ZNF250: variants seen among roughly 807,000 people sequenced by gnomAD.
The protein encoded by ZNF250 is zinc finger protein (clone 647).
Under a neutral mutation model 37.1 loss-of-function variants are expected in ZNF250, and 13 were observed. That is an observed-to-expected ratio of 0.35 (90% CI 0.23 to 0.56). The LOEUF (loss-of-function observed/expected upper bound fraction) is 0.56, where lower values mean the gene tolerates loss of function less well. Ranked by LOEUF, ZNF250 falls within the 20% of genes least tolerant of loss-of-function variation. The pLI is 0.87. For synonymous variants in ZNF250, 251 were observed against 265.6 expected (o/e 0.94, Z 0.54); for missense variants, 474 against 697.9 (o/e 0.68, Z 3.61).
rs1038863345 is a variant in ZNF250 at position 144,897,895 on chromosome 8, C to A, written c.-55+3504G>T. Among the ~76,000 whole-genome samples the A allele has an allele frequency of 6.6e-6, 1 of 152,166 alleles. No homozygotes were observed. The highest frequency in any genetic ancestry group is 6.5e-5 in the Admixed American group (1 of 15,274). On this transcript the variant is annotated intron_variant, in intron 1 of 5. Transcript: ENST00000417550. The surrounding 1 kb of genome is among the most constrained non-coding windows in gnomAD (Gnocchi z 5.2). ...TGCTATTGTTTGTGGCTTAAGAATG[C>A]CTTTAAGGGGTTTTCCACCCTGGGC...
Position 144,890,305 on chromosome 8 carries a change from T to C in ZNF250, c.42+3A>G. 3 of 1,524,742 alleles carry C rather than the reference T, an allele frequency of 2.0e-6. No homozygotes were observed. Among genetic ancestry groups the C allele is most frequent in the Non-Finnish European group, 2.6e-6 (3 of 1,132,626 alleles). The allele number at this position is 1,524,742 out of a possible 1,614,324, so 94.5% of individuals were successfully genotyped here. A position where few individuals can be genotyped will look rare whatever the true frequency, so the allele number is the denominator to read the frequency against. ...CACTGCATAAGCACTGGGGACAGCT[T>C]ACCTGGGGTCCTGCCGGCACTGGCA... On this transcript the variant is annotated splice_donor_region_variant and intron_variant, in intron 2 of 5. Coordinates refer to ENST00000417550, the MANE Select transcript of ZNF250 (RefSeq NM_001109689.4). This position sits in a 1 kb window ranked among gnomAD's most constrained non-coding sequence, Gnocchi z 5.1.
In ZNF250 at chr8:144,880,719, C is replaced by A; in HGVS notation, c.*796G>T. ...TCTCTACTAAAAATACAAAAATTAG[C>A]CAGGTGTGGTGGCGCATATCTATAA... On this transcript the variant is annotated 3_prime_UTR_variant, in exon 6 of 6. Coordinates refer to ENST00000417550, the MANE Select transcript of ZNF250 (RefSeq NM_001109689.4). 3.1e-6 allele frequency: 1 copy of A among 327,124 alleles called. No individual in the cohort carries two copies. Among genetic ancestry groups the A allele is most frequent in the South Asian group, 2.4e-5 (1 of 41,324 alleles). The allele number at this position is 327,124 out of a possible 1,614,324, so 20.3% of individuals were successfully genotyped here.
intron 5 of ZNF250, among the ~76,000 whole-genome samples, chr8:144,883,828 C>G (rs180886001): frequency 6.6e-6 from 1 of 152,212 alleles, no homozygotes; most frequent in East Asian, 1.9e-4. Flanking sequence ...AGGTCGAGCG[C>G]TCTGCAGGCT....
intron 1 of ZNF250, among the ~76,000 whole-genome samples, chr8:144,896,373 T>TA (rs1242172948): frequency 1.6e-5 from 2 of 128,528 alleles, no homozygotes; most frequent in East Asian, 2.3e-4. Context: ...TAAATAAAAA[T>TA]TAAAAAAAAA....
Position 144,890,398 on chromosome 8 carries a change from A to G in ZNF250, c.-49T>C. The G allele has an allele frequency of 6.9e-7, 1 of 1,445,520 alleles. No homozygotes were observed. The highest frequency in any genetic ancestry group is 1.4e-5 in the African/African-American group (1 of 70,518). 89.5% of individuals were successfully genotyped at this position (1,445,520 alleles called of 1,614,324 possible). A position where few individuals can be genotyped will look rare whatever the true frequency, so the allele number is the denominator to read the frequency against. On this transcript the variant is annotated 5_prime_UTR_variant, in exon 2 of 6. Transcript: ENST00000417550. The surrounding 1 kb of genome is among the most constrained non-coding windows in gnomAD (Gnocchi z 5.1). The stretch of plus-strand genomic sequence containing the variant: ...AGGATCACGGAAATTGAAGGAGCCT[A>G]TGGGGCTGAGGAAGAGGAGGGGGCA...
At chr8:144,898,988 C>T (rs1563904762) in intron 1 of ZNF250, among the ~76,000 whole-genome samples, 1 of 152,132 alleles carries the variant, frequency 6.6e-6, no homozygotes, top group African/African-American at 2.4e-5. Flanking sequence ...CCGAAATGTA[C>T]ATCAAATAAA....
intron 1 of ZNF250, among the ~76,000 whole-genome samples, chr8:144,892,882 CGAA>C (rs1832446295): frequency 2.0e-5 from 2 of 102,454 alleles, no homozygotes; most frequent in African/African-American, 7.1e-5. Context: ...TTTTTTGAGA[CGAA>C]GTCTTGCTCT....
rs1409755455 is a variant in ZNF250 at position 144,889,615 on chromosome 8, A to G, written c.249T>C (p.Ala83=). ...CACTCCACAGGCCCTGGCTCTTCTTAGCCCCCTTCCTGTCCAGGACCCAGG... is the reference window on the plus strand; with the variant it reads ...CACTCCACAGGCCCTGGCTCTTCTTGGCCCCCTTCCTGTCCAGGACCCAGG... ...EDPWVLDRKG[A]KKSQGLWSDY... The change falls in exon 4 of 6, where the codon GCT becomes GCC. Residue 83 remains alanine, a synonymous_variant. Transcript: ENST00000417550. 4 of 1,613,786 alleles carry G rather than the reference A, an allele frequency of 2.5e-6. No homozygotes were observed. The highest frequency in any genetic ancestry group is 2.7e-5 in the African/African-American group (2 of 74,912).
At chr8:144,893,154 C>T (rs138328720) in intron 1 of ZNF250, among the ~76,000 whole-genome samples, 3,312 of 152,200 alleles carry the variant, frequency 0.022, 73 homozygotes, top group Admixed American at 0.075. Flanking sequence ...TGAGCCACCA[C>T]GCCCAGCCCA....
Position 144,880,395 on chromosome 8 carries a change from G to A in ZNF250, c.*1120C>T, listed in dbSNP as rs576111896. 6.1e-5 allele frequency: 28 copies of A among 456,710 alleles called. No homozygotes were observed. Among genetic ancestry groups the A allele is most frequent in the South Asian group, 3.4e-4 (22 of 64,570 alleles). 28.3% of individuals were successfully genotyped at this position (456,710 alleles called of 1,614,324 possible). A position where few individuals can be genotyped will look rare whatever the true frequency, so the allele number is the denominator to read the frequency against. On this transcript the variant is annotated 3_prime_UTR_variant, in exon 6 of 6. Transcript: ENST00000417550. ...GTAACAGCTATGAGGTCTGCTGAGTGTGAAGCTCCCCTCCTTTGCCTGCAT... is the reference window on the plus strand; with the variant it reads ...GTAACAGCTATGAGGTCTGCTGAGTATGAAGCTCCCCTCCTTTGCCTGCAT...
intron 5 of ZNF250, among the ~76,000 whole-genome samples, chr8:144,886,456 C>G (rs1831888789): frequency 6.6e-6 from 1 of 152,234 alleles, no homozygotes; most frequent in Admixed American, 6.5e-5. Context: ...AACTTGCCTG[C>G]ACCTTGCATC....
At chr8:144,900,332 G>A (rs1348906715) in intron 1 of ZNF250, among the ~76,000 whole-genome samples, 9 of 152,080 alleles carry the variant, frequency 5.9e-5, no homozygotes, top group Admixed American at 3.3e-4. Context: ...CCCACCCGGC[G>A]GAGGACGAGT....
chr8:144,888,039 A>C (rs1435535908), intron 4 of ZNF250, among the ~76,000 whole-genome samples: 1 of 152,236 alleles, frequency 6.6e-6, no homozygotes, highest in African/African-American at 2.4e-5. Context: ...CAAGTGGGGC[A>C]CATTATGGCA....
In ZNF250 at chr8:144,881,716, C is replaced by T; in HGVS notation, c.1467G>A (p.Leu489=). 2 of 1,613,954 alleles carry T rather than the reference C, an allele frequency of 1.2e-6. No individual in the cohort carries two copies. The highest frequency in any genetic ancestry group is 1.7e-6 in the Non-Finnish European group (2 of 1,179,954). ...CGKAFSLKAT[L]IVHLRTHTGE... Reference sequence around the variant, plus strand: ...CCGTGTGGGTCCTCAGGTGCACAATCAGAGTTGCTTTCAGGCTGAAGGCTT... The same window carrying T: ...CCGTGTGGGTCCTCAGGTGCACAATTAGAGTTGCTTTCAGGCTGAAGGCTT... The change falls in exon 6 of 6, where the codon CTG becomes CTA. Residue 489 remains leucine, a synonymous_variant. Transcript: ENST00000417550.
chr8:144,887,252 C>CAAAAAAAAA lies in ZNF250; in HGVS notation c.284-359_284-351dup, dbSNP rs56677445. Among the ~76,000 whole-genome samples, 86 of 63,080 alleles carry CAAAAAAAAA rather than the reference C, an allele frequency of 1.4e-3. 5 individuals are homozygous for CAAAAAAAAA. The highest frequency in any genetic ancestry group is 6.4e-3 in the African/African-American group (84 of 13,220). The allele number at this position is 63,080 out of a possible 152,430, so 41.4% of individuals were successfully genotyped here. On this transcript the variant is annotated intron_variant, in intron 4 of 5. Transcript: ENST00000417550. ...GGGGACAGAGTGAAACTCCGTCTCT[C>CAAAAAAAAA]AAAAAAAAAAAAAAAAAAAAAAAAA...
chr8:144,882,583 C>A lies in ZNF250; in HGVS notation c.600G>T (p.Gly200=). ...GGTGGGAACTCCGGCCAAAGCACTT[C>A]CCACACTCAACACACATGTAGGGCC... ...GERPYMCVEC[G]KCFGRSSHLL... The change falls in exon 6 of 6, where the codon GGG becomes GGT. Residue 200 remains glycine, a synonymous_variant. Coordinates refer to ENST00000417550, the MANE Select transcript of ZNF250 (RefSeq NM_001109689.4). The surrounding 1 kb of genome is among the most constrained non-coding windows in gnomAD (Gnocchi z 5.5). 6.2e-7 allele frequency: 1 copy of A among 1,614,154 alleles called. No individual in the cohort carries two copies. The highest frequency in any genetic ancestry group is 8.5e-7 in the Non-Finnish European group (1 of 1,180,022).
intron 4 of ZNF250, among the ~76,000 whole-genome samples, chr8:144,888,192 G>T (rs1417212496): frequency 6.6e-6 from 1 of 152,108 alleles, no homozygotes; most frequent in East Asian, 1.9e-4. Context: ...CCATCTAAAG[G>T]TCTTGTACAT....
rs1021968045 is a variant in ZNF250 at position 144,879,941 on chromosome 8, C to T, written c.*1574G>A. On this transcript the variant is annotated 3_prime_UTR_variant, in exon 6 of 6. Transcript: ENST00000417550. ...ATTAGTCGGGCGTGGTAGCAGGTGCCTGTAATTCCAGCTACTTGGGAGGCA... is the reference window on the plus strand; with the variant it reads ...ATTAGTCGGGCGTGGTAGCAGGTGCTTGTAATTCCAGCTACTTGGGAGGCA... The T allele has an allele frequency of 3.9e-5, 6 of 152,756 alleles. No homozygotes were observed. The highest frequency in any genetic ancestry group is 1.3e-4 in the Admixed American group (2 of 15,288). The allele number at this position is 152,756 out of a possible 1,614,324, so 9.5% of individuals were successfully genotyped here.
intron 4 of ZNF250, 82 bp from the exon 5 acceptor site, chr8:144,886,984 C>G: frequency 7.9e-7 from 1 of 1,260,044 alleles, no homozygotes; most frequent in Non-Finnish European, 1.2e-6. Flanking sequence ...TGGTGGCTCA[C>G]GTCTGTAATC....
Sources: allele counts gnomAD v4.1 joint callset (sites outside exome capture counted in the v4.1 genomes callset), GRCh38; gene constraint gnomAD v4.1.1; non-coding constraint Gnocchi (gnomAD v3.1); transcripts MANE v1.5; gene names NCBI Gene and HGNC (gene_info 2026-07-23, HGNC 2026-07-21).